The following GPR26 variants were observed in gnomAD, a reference collection of about 807,000 sequenced individuals.
The protein encoded by GPR26 is G protein-coupled receptor 26.
A neutral mutation model predicts 23.1 loss-of-function variants in GPR26; 15 were observed. The observed-to-expected ratio is 0.65, with a 90% CI of 0.43 to 1.00. The LOEUF is 1.00. Among genes scored for constraint, GPR26 ranks in the 50% least tolerant of loss-of-function variants. The pLI, the probability that GPR26 is intolerant of heterozygous loss-of-function variation, is 0.00. For missense variants in GPR26, 359 were observed against 470.5 expected (o/e 0.76, Z 2.19); for synonymous variants, 228 against 222.1 (o/e 1.03, Z -0.24).
intron 2 of GPR26, among the ~76,000 whole-genome samples, chr10:123,677,693 A>G (rs1359931516): frequency 6.6e-6 from 1 of 152,188 alleles, no homozygotes; most frequent in Non-Finnish European, 1.5e-5. Flanking sequence ...CAGGCTCCAC[A>G]GGTTCTGGGG....
At chr10:123,685,197 A>T (rs1042775846) in intron 2 of GPR26, among the ~76,000 whole-genome samples, 1 of 152,204 alleles carries the variant, frequency 6.6e-6, no homozygotes, top group Non-Finnish European at 1.5e-5. Flanking sequence ...GAAGGGCACA[A>T]GGAAGGGGTG....
In GPR26 at chr10:123,689,078, G is replaced by A. The variant is rs1845462307; in HGVS notation, c.*918G>A. The A allele has an allele frequency of 6.6e-6, 1 of 152,176 alleles. No individual in the cohort carries two copies. Among genetic ancestry groups the A allele is most frequent in the Admixed American group, 6.5e-5 (1 of 15,276 alleles). The allele number at this position is 152,176 out of a possible 1,614,324, so 9.4% of individuals were successfully genotyped here. Reference sequence around the variant, plus strand: ...TTATGCATCTTATCTGGCATGTCCTGGGAGATGGATGGGCAAGAACTGGCC... The same window carrying A: ...TTATGCATCTTATCTGGCATGTCCTAGGAGATGGATGGGCAAGAACTGGCC... On this transcript the variant is annotated 3_prime_UTR_variant, in exon 3 of 3. Transcript: ENST00000284674.
chr10:123,685,752 C>A (rs570883495), intron 2 of GPR26, among the ~76,000 whole-genome samples: 2 of 152,358 alleles, frequency 1.3e-5, no homozygotes, highest in Non-Finnish European at 2.9e-5. Flanking sequence ...AGATTCACAT[C>A]TTGGCGTGGC....
chr10:123,680,382 T>C (rs1300682593), intron 2 of GPR26, among the ~76,000 whole-genome samples: 2 of 152,040 alleles, frequency 1.3e-5, no homozygotes, highest in African/African-American at 4.8e-5. Context: ...CCCCAAGAGA[T>C]GGACTGGGTG....
intron 2 of GPR26, among the ~76,000 whole-genome samples, chr10:123,684,029 C>A (rs35010650): frequency 0.31 from 46,684 of 152,044 alleles, 8,314 homozygotes; most frequent in Middle Eastern, 0.44. Flanking sequence ...TCCATCCCCT[C>A]CCCCAACCTG....
intron 1 of GPR26, among the ~76,000 whole-genome samples, chr10:123,670,780 G>A (rs1404808218): frequency 6.6e-6 from 1 of 152,220 alleles, no homozygotes; most frequent in African/African-American, 2.4e-5. Context: ...TCCTCAGGAG[G>A]GTGGGACCAG....
rs1845460955 is a variant in GPR26 at position 123,688,977 on chromosome 10, T to G, written c.*817T>G. ...CCTAATTGTTGGAGCTCAGTAAAGGTAGGAGGAAGGTGGCTGGTTGGTCCT... is the reference window on the plus strand; with the variant it reads ...CCTAATTGTTGGAGCTCAGTAAAGGGAGGAGGAAGGTGGCTGGTTGGTCCT... On this transcript the variant is annotated 3_prime_UTR_variant, in exon 3 of 3. Transcript: ENST00000284674. 6.6e-6 allele frequency: 1 copy of G among 152,240 alleles called. No homozygotes were observed. 9.4% of individuals were successfully genotyped at this position (152,240 alleles called of 1,614,324 possible).
Position 123,669,117 on chromosome 10 carries a change from C to G in GPR26, c.668+2042C>G, listed in dbSNP as rs185101539. On this transcript the variant is annotated intron_variant, in intron 1 of 2. Transcript: ENST00000284674. ...CTTTGAAGAGCCCCTGCTCCCAGTGCCCTGGGACCCTCCAGGCCCAGTCTC... is the reference window on the plus strand; with the variant it reads ...CTTTGAAGAGCCCCTGCTCCCAGTGGCCTGGGACCCTCCAGGCCCAGTCTC... Among the ~76,000 whole-genome samples, 241 of 152,342 alleles carry G rather than the reference C, an allele frequency of 1.6e-3. 2 individuals carry two copies. Among genetic ancestry groups the G allele is most frequent in the African/African-American group, 5.1e-3 (210 of 41,568 alleles).
In GPR26 at chr10:123,687,944, C is replaced by T. The variant is rs1439205926; in HGVS notation, c.798C>T (p.Phe266=). ...CTCTCCACAGGCTAGTGGAGCTCTT[C>T]TCCACGGTGCCCATCGGCTCCCACT... ...PYVITRLVEL[F]STVPIGSHWG... Residue 266 remains phenylalanine, a synonymous_variant, in exon 3 of 3, where the codon TTC becomes TTT. Transcript: ENST00000284674. 14 of 1,611,462 alleles carry T rather than the reference C, an allele frequency of 8.7e-6. No homozygotes were observed. Among genetic ancestry groups the T allele is most frequent in the Non-Finnish European group, 1.1e-5 (13 of 1,177,824 alleles).
chr10:123,678,327 A>G (rs1845331693), intron 2 of GPR26, among the ~76,000 whole-genome samples: 1 of 151,852 alleles, frequency 6.6e-6, no homozygotes, highest in African/African-American at 2.4e-5. Flanking sequence ...TGAGCTGCTC[A>G]TATCATTCTT....
rs1156714877 is a variant in GPR26, at chr10:123,692,372, G to T, written c.*4212G>T. 1 of 152,322 alleles carries T rather than the reference G, an allele frequency of 6.6e-6. No individual in the cohort carries two copies. Among genetic ancestry groups the T allele is most frequent in the Non-Finnish European group, 1.5e-5 (1 of 68,092 alleles). 9.4% of individuals were successfully genotyped at this position (152,322 alleles called of 1,614,324 possible). Reference sequence around the variant, plus strand: ...CCAGCCAGCCTCACACACAGGAGCTGAGCCAGGCTGAGGCAAGGTCAGCGA... The same window carrying T: ...CCAGCCAGCCTCACACACAGGAGCTTAGCCAGGCTGAGGCAAGGTCAGCGA... On this transcript the variant is annotated 3_prime_UTR_variant, in exon 3 of 3. Transcript: ENST00000284674.
chr10:123,671,404 C>T (rs934446660), intron 1 of GPR26, among the ~76,000 whole-genome samples: 66 of 152,184 alleles, frequency 4.3e-4, no homozygotes, highest in Non-Finnish European at 8.5e-4. Context: ...CCCTCCCCCG[C>T]TCAGCCACAC....
intron 2 of GPR26, among the ~76,000 whole-genome samples, chr10:123,684,336 G>A (rs1845408729): frequency 6.6e-6 from 1 of 152,224 alleles, no homozygotes; most frequent in Middle Eastern, 3.4e-3. Context: ...GCATACACGT[G>A]CTCTAGGAGT....
intron 1 of GPR26, among the ~76,000 whole-genome samples, chr10:123,672,008 A>C (rs1245881638): frequency 6.6e-6 from 1 of 152,206 alleles, no homozygotes; most frequent in Non-Finnish European, 1.5e-5. Context: ...ATAATAAGCA[A>C]GAGGGCCGTG....
chr10:123,694,997 C>T lies in GPR26; in HGVS notation c.*6837C>T, dbSNP rs2133936191. 6.6e-6 allele frequency among the ~76,000 whole-genome samples: 1 copy of T among 152,312 alleles called. No homozygotes were observed. The highest frequency in any genetic ancestry group is 2.1e-4 in the South Asian group (1 of 4,816). On this transcript the variant is annotated 3_prime_UTR_variant, in exon 3 of 3. Coordinates refer to ENST00000284674, the MANE Select transcript of GPR26 (RefSeq NM_153442.4). ...TGCAGGGTCCTGATGGGCACTGCCA[C>T]ATACCCCCAGGACAAACGGAAAAAT... is the stretch of plus-strand genomic sequence containing the variant.
intron 1 of GPR26, among the ~76,000 whole-genome samples, chr10:123,669,625 T>A (rs1362431676): frequency 6.6e-6 from 1 of 152,250 alleles, no homozygotes; most frequent in Non-Finnish European, 1.5e-5. Flanking sequence ...GATGGCCTGC[T>A]AGGACTTAAT....
In GPR26 at chr10:123,695,922, CA is replaced by C. The variant is rs1480280529; in HGVS notation, c.*7763del. Among the ~76,000 whole-genome samples the C allele has an allele frequency of 6.6e-6, 1 of 152,130 alleles. No homozygotes were observed. Among genetic ancestry groups the C allele is most frequent in the Non-Finnish European group, 1.5e-5 (1 of 68,022 alleles). ...GCCACCAACCCCATCAGGATTTCCC[CA>C]GGGGAAAATGGCTAACTCTGGATCA... On this transcript the variant is annotated 3_prime_UTR_variant, in exon 3 of 3. Transcript: ENST00000284674.
intron 2 of GPR26, among the ~76,000 whole-genome samples, chr10:123,679,331 T>A (rs1177839271): frequency 1.3e-5 from 2 of 152,204 alleles, no homozygotes; most frequent in Non-Finnish European, 2.9e-5. Context: ...GAAGCCAGGC[T>A]GGGATTAGCG....
At chr10:123,679,476 T>A (rs1295389125) in intron 2 of GPR26, among the ~76,000 whole-genome samples, 2 of 152,180 alleles carry the variant, frequency 1.3e-5, no homozygotes, top group African/African-American at 4.8e-5. Flanking sequence ...CTGAACCAGT[T>A]CAGTTAGACT....
Sources: gnomAD v4.1 joint callset for allele counts (sites outside exome capture counted in the v4.1 genomes callset) on GRCh38, gnomAD v4.1.1 for gene constraint, MANE v1.5 for transcripts, NCBI Gene and HGNC (gene_info 2026-07-23, HGNC 2026-07-21) for gene names.